Variants in MACROD2 observed in about 807,000 individuals in gnomAD.
MACROD2 encodes mono-ADP ribosylhydrolase 2.
In MACROD2, 36 loss-of-function variants were observed where a neutral mutation model predicts 70.4. The ratio of observed to expected loss-of-function variants is 0.51; its 90% CI spans 0.39 to 0.68. MACROD2 has a LOEUF of 0.68. Among genes scored for constraint, MACROD2 ranks in the 30% least tolerant of loss-of-function variants. The pLI is 0.00. For synonymous variants in MACROD2, 172 were observed against 178.8 expected (o/e 0.96, Z 0.30); for missense variants, 496 against 538.4 (o/e 0.92, Z 0.78).
At chr20:15,820,133 A>G (rs894185925) in intron 8 of MACROD2, among the ~76,000 whole-genome samples, 3 of 152,086 alleles carry the variant, frequency 2.0e-5, no homozygotes, top group Non-Finnish European at 2.9e-5. Context: ...ATGAATGGGT[A>G]CAGTTAAAGT....
intron 6 of MACROD2, among the ~76,000 whole-genome samples, chr20:15,266,631 A>G (rs2146056649): frequency 6.6e-6 from 1 of 152,262 alleles, no homozygotes; most frequent in South Asian, 2.1e-4. Context: ...TGAACCACAA[A>G]TGTTCCAAAT....
At chr20:14,500,168 C>T (rs2084900789) in intron 4 of MACROD2, among the ~76,000 whole-genome samples, 1 of 152,202 alleles carries the variant, frequency 6.6e-6, no homozygotes, top group South Asian at 2.1e-4. Flanking sequence ...ACTGTTCTGC[C>T]ATCATATCAT....
intron 5 of MACROD2, among the ~76,000 whole-genome samples, chr20:14,760,174 G>C (rs2071995795): frequency 6.6e-6 from 1 of 152,036 alleles, no homozygotes; most frequent in African/African-American, 2.4e-5. Context: ...AAGGGATATG[G>C]ATCACACAGG....
At chr20:14,291,113 C>T (rs1279374662) in intron 3 of MACROD2, among the ~76,000 whole-genome samples, 1 of 152,168 alleles carries the variant, frequency 6.6e-6, no homozygotes, top group East Asian at 1.9e-4. Flanking sequence ...CAAGAGTCCA[C>T]AGAAATAACT....
chr20:16,046,724 G>A (rs1056131360), intron 17 of MACROD2, among the ~76,000 whole-genome samples: 3 of 125,146 alleles, frequency 2.4e-5, no homozygotes, highest in South Asian at 2.5e-4. Context: ...TCTGTCACCC[G>A]GGCTACAGTG....
chr20:14,044,757 C>G (rs1302092007), intron 2 of MACROD2, among the ~76,000 whole-genome samples: 4 of 152,248 alleles, frequency 2.6e-5, no homozygotes, highest in Non-Finnish European at 5.9e-5. Flanking sequence ...AGGAGCCCCG[C>G]TGGCTTCACC....
At chr20:16,044,019 G>A (rs1341999650) in intron 16 of MACROD2, among the ~76,000 whole-genome samples, 1 of 152,042 alleles carries the variant, frequency 6.6e-6, no homozygotes, top group Admixed American at 6.6e-5. Flanking sequence ...TTTTTGTGTT[G>A]CTATAAAGAA....
At chr20:14,244,690 A>G (rs183885335) in intron 3 of MACROD2, among the ~76,000 whole-genome samples, 1 of 152,326 alleles carries the variant, frequency 6.6e-6, no homozygotes, top group East Asian at 1.9e-4. Flanking sequence ...GCAGGTACAA[A>G]TGATGGCCGC....
intron 3 of MACROD2, among the ~76,000 whole-genome samples, chr20:14,287,232 A>G (rs2082352387): frequency 6.6e-6 from 1 of 152,188 alleles, no homozygotes; most frequent in Non-Finnish European, 1.5e-5. Flanking sequence ...GTGATAATGG[A>G]AATTCAACTT....
Position 14,679,739 on chromosome 20 carries a change from G to GC in MACROD2, c.302-5103dup, listed in dbSNP as rs1385027881. ...TTACCATTGCCCTTTTCTCCCACAC[G>GC]CTTTTTTTCAAGTGCCACAAATATA... On this transcript the variant is annotated intron_variant, in intron 4 of 17. Transcript: ENST00000684519. Among the ~76,000 whole-genome samples the GC allele has an allele frequency of 4.8e-5, 5 of 105,258 alleles. No homozygotes were observed. The East Asian group carries it at 1.3e-3, about 27-fold the overall frequency. The allele number at this position is 105,258 out of a possible 152,430, so 69.1% of individuals were successfully genotyped here.
rs1363302454 is a variant in MACROD2, at chr20:15,373,830, TTA to T, written c.541-57573_541-57572del. ...CCTCCAATCCACAAACATTGTATAT[TTA>T]TGTGTATTTTGACATTTTTTGTAAA... On this transcript the variant is annotated intron_variant, in intron 6 of 17. Transcript: ENST00000684519. 2.6e-5 allele frequency among the ~76,000 whole-genome samples: 4 copies of T among 152,204 alleles called. No homozygotes were observed. In the East Asian group the frequency reaches 7.7e-4, roughly 29 times the overall value.
chr20:14,428,075 A>G (rs1019615528), intron 3 of MACROD2, among the ~76,000 whole-genome samples: 3 of 152,180 alleles, frequency 2.0e-5, no homozygotes, highest in African/African-American at 7.2e-5. Flanking sequence ...GAGGCAGTTT[A>G]GTCTATAATC....
At chr20:15,207,133 A>T in intron 5 of MACROD2, among the ~76,000 whole-genome samples, 2 of 152,106 alleles carry the variant, frequency 1.3e-5, no homozygotes, top group Middle Eastern at 6.8e-3. Flanking sequence ...CCATTCTCCC[A>T]TATTTTTGCT....
At chr20:14,237,302 T>A (rs1394450894) in intron 3 of MACROD2, among the ~76,000 whole-genome samples, 1 of 151,784 alleles carries the variant, frequency 6.6e-6, no homozygotes, top group South Asian at 2.1e-4. Context: ...CTGATGATTC[T>A]TTTTTTTGTT....
In MACROD2 at chr20:14,719,657, T is replaced by TA. The variant is rs938868537; in HGVS notation, c.418+34707dup. 1.2e-4 allele frequency among the ~76,000 whole-genome samples: 18 copies of TA among 151,244 alleles called. No individual in the cohort carries two copies. The East Asian group carries it at 2.5e-3, about 21-fold the overall frequency. On this transcript the variant is annotated intron_variant, in intron 5 of 17. Transcript: ENST00000684519. ...AAACCATCCTAAAATGTGCCCCTCT[T>TA]AAAAAAAAATGAGTGCCATAATACT...
intron 4 of MACROD2, among the ~76,000 whole-genome samples, chr20:14,581,101 C>T (rs1045464261): frequency 6.6e-6 from 1 of 152,240 alleles, no homozygotes; most frequent in East Asian, 1.9e-4. Flanking sequence ...AAACAATAAC[C>T]CAGCCCAGAC....
intron 5 of MACROD2, among the ~76,000 whole-genome samples, chr20:14,794,153 G>T (rs967293575): frequency 6.6e-6 from 1 of 152,110 alleles, no homozygotes; most frequent in African/African-American, 2.4e-5. Context: ...AAAGACTGGA[G>T]AACTCACTGG....
At chr20:14,581,588 T>A (rs1350687177) in intron 4 of MACROD2, among the ~76,000 whole-genome samples, 1 of 152,256 alleles carries the variant, frequency 6.6e-6, no homozygotes, top group African/African-American at 2.4e-5. Flanking sequence ...GGATTTATAT[T>A]ACTTTTACAT....
In MACROD2 at chr20:15,350,009, T is replaced by A. The variant is rs535287930; in HGVS notation, c.541-81396T>A. On this transcript the variant is annotated intron_variant, in intron 6 of 17. Transcript: ENST00000684519. Reference sequence around the variant, plus strand: ...TAGATGAAAGAAAACTGGGACCTCCTTGTCCATAAACTTGAAGTGAGTCTA... The same window carrying A: ...TAGATGAAAGAAAACTGGGACCTCCATGTCCATAAACTTGAAGTGAGTCTA... Among the ~76,000 whole-genome samples the A allele has an allele frequency of 1.1e-3, 163 of 152,256 alleles. 1 individual carries two copies. Among genetic ancestry groups the A allele is most frequent in the Middle Eastern group, 6.8e-3 (2 of 294 alleles).
Sources: gnomAD v4.1 joint callset for allele counts (sites outside exome capture counted in the v4.1 genomes callset) on GRCh38, gnomAD v4.1.1 for gene constraint, MANE v1.5 for transcripts, NCBI Gene and HGNC (gene_info 2026-07-23, HGNC 2026-07-21) for gene names.